NREP: variants seen among roughly 807,000 people sequenced by gnomAD.
NREP encodes neuronal regeneration related protein, also known as neuronal regeneration-related protein.
NREP carries 5 observed loss-of-function variants against 8.6 expected under a neutral mutation model. The ratio of observed to expected loss-of-function variants is 0.58; its 90% CI spans 0.30 to 1.22. NREP has a LOEUF of 1.22. Ranked by LOEUF, NREP falls within the 50% of genes most tolerant of loss-of-function variation. The probability of loss-of-function intolerance (pLI) is 0.07; values close to 1 mark genes in which losing one functional copy is unlikely to be tolerated. For synonymous variants in NREP, 27 were observed against 28.0 expected (o/e 0.96, Z 0.11); for missense variants, 86 against 82.5 (o/e 1.04, Z -0.17).
intron 2 of NREP, among the ~76,000 whole-genome samples, chr5:111,752,403 A>G (rs1392326497): frequency 6.6e-6 from 1 of 152,176 alleles, no homozygotes; most frequent in Non-Finnish European, 1.5e-5. Flanking sequence ...ACAGTACCAT[A>G]TAAAATTATT....
chr5:111,819,344 C>A (rs1752464625), intron 2 of NREP, among the ~76,000 whole-genome samples: 1 of 152,142 alleles, frequency 6.6e-6, no homozygotes, highest in African/African-American at 2.4e-5. Context: ...TGTGGTCCAA[C>A]CCTAGCCAAT....
At chr5:111,936,163 G>A (rs1013389531) in intron 2 of NREP, among the ~76,000 whole-genome samples, 15 of 151,952 alleles carry the variant, frequency 9.9e-5, no homozygotes, top group Admixed American at 3.9e-4. Flanking sequence ...GATATGGTTC[G>A]GCTCTGTGTT....
chr5:111,783,814 C>T (rs1040763091), intron 2 of NREP, among the ~76,000 whole-genome samples: 1 of 152,100 alleles, frequency 6.6e-6, no homozygotes, highest in African/African-American at 2.4e-5. Context: ...TCTTACTCAC[C>T]TTTTATCCCT....
chr5:111,749,523 C>T (rs1488609167), intron 2 of NREP, among the ~76,000 whole-genome samples: 1 of 152,132 alleles, frequency 6.6e-6, no homozygotes, highest in Non-Finnish European at 1.5e-5. Flanking sequence ...CTACTGACTA[C>T]ATTAGTAACA....
upstream of NREP, chr5:111,757,749 C>T: frequency 2.0e-6 from 2 of 983,456 alleles, no homozygotes; most frequent in Non-Finnish European, 2.4e-6. Context: ...GCACGGCGCG[C>T]GCAAATCCCC....
At chr5:111,963,018 A>G (rs548390860) in intron 2 of NREP, among the ~76,000 whole-genome samples, 18 of 152,378 alleles carry the variant, frequency 1.2e-4, no homozygotes, top group African/African-American at 3.8e-4. Flanking sequence ...ATACCCAAAA[A>G]AGGCTGTCAC....
intron 2 of NREP, among the ~76,000 whole-genome samples, chr5:111,965,561 T>C (rs1437446123): frequency 1.3e-5 from 2 of 152,136 alleles, no homozygotes; most frequent in East Asian, 1.9e-4. Flanking sequence ...AATTAACTCA[T>C]GGCCCATTTC....
At chr5:111,850,859 A>G (rs1248936619) in intron 2 of NREP, among the ~76,000 whole-genome samples, 3 of 152,220 alleles carry the variant, frequency 2.0e-5, no homozygotes, top group African/African-American at 7.2e-5. Flanking sequence ...AGAAAGAATG[A>G]AGGTTTTAAA....
chr5:111,835,439 G>C (rs1204980124), intron 2 of NREP, among the ~76,000 whole-genome samples: 1 of 152,004 alleles, frequency 6.6e-6, no homozygotes, highest in Non-Finnish European at 1.5e-5. Flanking sequence ...TTATTATACA[G>C]CCAGATACAG....
At chr5:111,823,806 A>T (rs1435967259) in intron 2 of NREP, among the ~76,000 whole-genome samples, 1 of 152,172 alleles carries the variant, frequency 6.6e-6, no homozygotes, top group Non-Finnish European at 1.5e-5. Flanking sequence ...TCACGATCTT[A>T]CTTATTCTAA....
intron 2 of NREP, among the ~76,000 whole-genome samples, chr5:111,959,719 A>G (rs1391907528): frequency 1.3e-5 from 2 of 152,054 alleles, no homozygotes; most frequent in Non-Finnish European, 2.9e-5. Flanking sequence ...AAAAATTACT[A>G]AGTTGAACAC....
chr5:111,730,301 G>GAAAT lies in NREP; in HGVS notation c.*616_*619dup, dbSNP rs1425090096. On this transcript the variant is annotated 3_prime_UTR_variant, in exon 4 of 4. Transcript: ENST00000257435. ...AGTACCAACACCTTCTTAGAACATG[G>GAAAT]AAATAAAAAATAACTCCATCAGAGC... 1 of 152,408 alleles carries GAAAT rather than the reference G, an allele frequency of 6.6e-6. No individual in the cohort carries two copies. Among genetic ancestry groups the GAAAT allele is most frequent in the Admixed American group, 6.6e-5 (1 of 15,248 alleles). The allele number at this position is 152,408 out of a possible 1,614,324, so 9.4% of individuals were successfully genotyped here. A position where few individuals can be genotyped will look rare whatever the true frequency, so the allele number is the denominator to read the frequency against.
chr5:111,747,504 G>A (rs890959466), intron 2 of NREP, among the ~76,000 whole-genome samples: 2 of 152,180 alleles, frequency 1.3e-5, no homozygotes, highest in Non-Finnish European at 2.9e-5. Flanking sequence ...ATCTGAGTAA[G>A]AGCTGGGATG....
Position 111,868,428 on chromosome 5 carries a change from T to C in NREP, c.135+106846A>G, listed in dbSNP as rs991597093. On this transcript the variant is annotated intron_variant, in intron 2 of 3. Coordinates refer to the NREP transcript ENST00000395634. ...CTTTGTTTTTGTCATCACTGTAGAATACGAGTTGCAAACTAGTGATTTTTC... is the reference window on the plus strand; with the variant it reads ...CTTTGTTTTTGTCATCACTGTAGAACACGAGTTGCAAACTAGTGATTTTTC... Among the ~76,000 whole-genome samples the C allele has an allele frequency of 2.6e-5, 4 of 152,188 alleles. No homozygotes were observed. The South Asian group carries it at 8.3e-4, about 32-fold the overall frequency.
intron 2 of NREP, among the ~76,000 whole-genome samples, chr5:111,960,929 G>A (rs1317854202): frequency 6.6e-6 from 1 of 152,152 alleles, no homozygotes. Flanking sequence ...CAATCTATGA[G>A]CCAAAATAAC....
chr5:111,763,280 G>A (rs1751007058), intron 2 of NREP, among the ~76,000 whole-genome samples: 1 of 152,102 alleles, frequency 6.6e-6, no homozygotes, highest in Non-Finnish European at 1.5e-5. Context: ...ATGAGAGGAG[G>A]AAAAATAGAT....
chr5:111,743,461 C>T (rs1431571464), intron 2 of NREP, among the ~76,000 whole-genome samples: 1 of 152,004 alleles, frequency 6.6e-6, no homozygotes, highest in Admixed American at 6.6e-5. Flanking sequence ...TAAGTCTGGC[C>T]CACCTTATTC....
At chr5:111,908,277 G>T (rs1284242013) in intron 2 of NREP, among the ~76,000 whole-genome samples, 1 of 151,932 alleles carries the variant, frequency 6.6e-6, no homozygotes, top group Admixed American at 6.6e-5. Flanking sequence ...TAATTTTTAA[G>T]AAATAATTTT....
At chr5:111,938,637 G>A (rs570479897) in intron 2 of NREP, among the ~76,000 whole-genome samples, 1 of 151,902 alleles carries the variant, frequency 6.6e-6, no homozygotes. Flanking sequence ...ACCTATGCCG[G>A]GGATAATATC....
Sources: allele counts gnomAD v4.1 joint callset (sites outside exome capture counted in the v4.1 genomes callset), GRCh38; gene constraint gnomAD v4.1.1; transcripts MANE v1.5; gene names NCBI Gene and HGNC (gene_info 2026-07-23, HGNC 2026-07-21).